Variants in TMOD1 observed in about 807,000 individuals in gnomAD.
TMOD1 encodes the protein tropomodulin-1.
Under a neutral mutation model 40.6 loss-of-function variants are expected in TMOD1, and 17 were observed. The ratio of observed to expected loss-of-function variants is 0.42; its 90% CI spans 0.29 to 0.63. TMOD1 has a LOEUF of 0.63. TMOD1 is among the 20% of genes least tolerant of loss of function. TMOD1 has a pLI of 0.22. For missense variants in TMOD1, 391 were observed against 447.6 expected, an observed-to-expected ratio of 0.87 and a Z score of 1.14; for synonymous variants, 181 against 175.0, an observed-to-expected ratio of 1.03 and a Z score of -0.27.
In TMOD1 at chr9:97,546,294, A is replaced by C; in HGVS notation, c.230A>C (p.Glu77Ala). The change falls in exon 3 of 10, where the codon GAG (glutamate) becomes GCG (alanine). Residue 77 changes from glutamate (E) to alanine (A), a missense_variant. Glu to Ala is a moderately radical substitution (Grantham distance 107, BLOSUM62 -1). Coordinates refer to ENST00000259365, the MANE Select transcript of TMOD1 (RefSeq NM_003275.4). ...LLDHLEKQAKEFKDREDLVPY... is the reference protein window; with the variant it reads ...LLDHLEKQAKAFKDREDLVPY... Reference sequence around the variant, plus strand: ...GATCACTTGGAAAAGCAAGCAAAGGAGTTTAAGGACCGAGAAGATCTGGTC... The same window carrying C: ...GATCACTTGGAAAAGCAAGCAAAGGCGTTTAAGGACCGAGAAGATCTGGTC... The C allele has an allele frequency of 6.2e-7, 1 of 1,614,122 alleles. No individual in the cohort carries two copies. Among genetic ancestry groups the C allele is most frequent in the Admixed American group, 1.7e-5 (1 of 60,012 alleles).
rs367594367 is a variant in TMOD1 at position 97,577,725 on chromosome 9, C to G, written c.870+8688C>G. Among the ~76,000 whole-genome samples, 46 of 152,208 alleles carry G rather than the reference C, an allele frequency of 3.0e-4. No individual in the cohort carries two copies. In the East Asian group the frequency reaches 4.1e-3, roughly 13 times the overall value. ...GGCAGAGGTTGCAGCAAGCCAAGAT[C>G]GTGCTATGCACTCCAGTCTGGGCGA... On this transcript the variant is annotated intron_variant, in intron 8 of 9. Transcript: ENST00000259365.
At chr9:97,598,475 T>C (rs1826164087) in intron 9 of TMOD1, among the ~76,000 whole-genome samples, 1 of 152,214 alleles carries the variant, frequency 6.6e-6, no homozygotes, top group Non-Finnish European at 1.5e-5. Flanking sequence ...GGGGCTCCGA[T>C]GAGGCAATGA....
At chr9:97,595,381 C>A (rs2131295677) in intron 9 of TMOD1, among the ~76,000 whole-genome samples, 1 of 152,284 alleles carries the variant, frequency 6.6e-6, no homozygotes, top group African/African-American at 2.4e-5. Context: ...CCATTCCCCA[C>A]CCACAGCTTC....
intron 2 of TMOD1, among the ~76,000 whole-genome samples, chr9:97,531,043 C>CCG (rs1554754353): frequency 2.9e-5 from 4 of 138,432 alleles, no homozygotes; most frequent in Admixed American, 7.2e-5. Flanking sequence ...ACCCACCCCC[C>CCG]CCACCACCCC....
At position 97,600,172 on chromosome 9, in the gene TMOD1, A is replaced by C; in HGVS notation, c.*474A>C. On this transcript the variant is annotated 3_prime_UTR_variant, in exon 10 of 10. Transcript: ENST00000259365. The stretch of plus-strand genomic sequence containing the variant: ...ATCATTCTTTATTAACCCTCCTTGG[A>C]ATTTTGAAAACCTCGATTAAAGTTG... The C allele has an allele frequency of 1.0e-6, 1 of 996,220 alleles. No individual in the cohort carries two copies. Among genetic ancestry groups the C allele is most frequent in the Non-Finnish European group, 1.2e-6 (1 of 835,248 alleles). The allele number at this position is 996,220 out of a possible 1,614,324, so 61.7% of individuals were successfully genotyped here.
chr9:97,510,480 G>A (rs374996444), intron 1 of TMOD1, among the ~76,000 whole-genome samples: 3 of 152,086 alleles, frequency 2.0e-5, no homozygotes, highest in Non-Finnish European at 2.9e-5. Context: ...ATCCACCCAC[G>A]TCAGCCTCCC....
At chr9:97,547,394 A>T (rs191135518) in intron 3 of TMOD1, among the ~76,000 whole-genome samples, 1 of 152,298 alleles carries the variant, frequency 6.6e-6, no homozygotes, top group African/African-American at 2.4e-5. Flanking sequence ...AGTCAGAAAC[A>T]GCCTGGAGCT....
intron 2 of TMOD1, among the ~76,000 whole-genome samples, chr9:97,538,204 C>G (rs1830214721): frequency 6.6e-6 from 1 of 152,124 alleles, no homozygotes. Context: ...CTAGAATTTC[C>G]TCCTCCTTAA....
At chr9:97,539,595 C>T (rs895675632) in intron 2 of TMOD1, among the ~76,000 whole-genome samples, 5 of 152,156 alleles carry the variant, frequency 3.3e-5, no homozygotes, top group Admixed American at 2.6e-4. Context: ...ATCATTCTCC[C>T]ATAGATGAAC....
At chr9:97,597,127 C>T (rs748149925) in intron 9 of TMOD1, among the ~76,000 whole-genome samples, 4 of 152,144 alleles carry the variant, frequency 2.6e-5, no homozygotes, top group Non-Finnish European at 5.9e-5. Context: ...GAGGTTGGTC[C>T]GGACGACTGG....
intron 5 of TMOD1, among the ~76,000 whole-genome samples, chr9:97,563,803 G>A (rs1432334656): frequency 6.6e-6 from 1 of 152,208 alleles, no homozygotes; most frequent in Non-Finnish European, 1.5e-5. Flanking sequence ...GAGAGTTTAA[G>A]TAATTCACCC....
At chr9:97,576,530 T>G (rs971884551) in intron 8 of TMOD1, among the ~76,000 whole-genome samples, 1 of 152,114 alleles carries the variant, frequency 6.6e-6, no homozygotes, top group East Asian at 1.9e-4. Context: ...TATGAATTCA[T>G]TTAAACAAGA....
intron 4 of TMOD1, 144 bp downstream of exon 4, chr9:97,553,544 A>C: frequency 8.2e-7 from 1 of 1,224,700 alleles, no homozygotes. Flanking sequence ...TCAAACAACA[A>C]TCCATTCTCA....
At chr9:97,535,717 G>A (rs1380877670) in intron 2 of TMOD1, among the ~76,000 whole-genome samples, 2 of 152,268 alleles carry the variant, frequency 1.3e-5, no homozygotes, top group East Asian at 3.8e-4. Flanking sequence ...ATACCAGAGA[G>A]AGACTGTGCT....
chr9:97,503,795 C>T (rs1829542902), intron 1 of TMOD1, among the ~76,000 whole-genome samples: 1 of 152,196 alleles, frequency 6.6e-6, no homozygotes, highest in South Asian at 2.1e-4. Context: ...CTGGCTCCAG[C>T]CCCAACTCTG....
At chr9:97,540,291 T>C (rs1276108071) in intron 2 of TMOD1, among the ~76,000 whole-genome samples, 1 of 152,246 alleles carries the variant, frequency 6.6e-6, no homozygotes, top group Non-Finnish European at 1.5e-5. Context: ...GGTTAGTTTC[T>C]GGTAAAGACT....
intron 2 of TMOD1, among the ~76,000 whole-genome samples, chr9:97,538,635 A>T (rs1025969058): frequency 2.0e-5 from 3 of 152,176 alleles, no homozygotes; most frequent in African/African-American, 4.8e-5. Flanking sequence ...CTATTCAGTA[A>T]AGTAGACCTT....
chr9:97,507,373 A>G (rs1829606297), intron 1 of TMOD1, among the ~76,000 whole-genome samples: 1 of 152,216 alleles, frequency 6.6e-6, no homozygotes, highest in Admixed American at 6.5e-5. Context: ...CATTGCACGC[A>G]TTTGCTTATT....
At position 97,501,692 on chromosome 9, in the gene TMOD1, C is replaced by A; in HGVS notation, c.-160C>A. Reference sequence around the variant, plus strand: ...AGCTCGTCCAGCCCCGCGCTGCGCTCGCCCGCCCGCTGCCCGCCGGAGCAC... The same window carrying A: ...AGCTCGTCCAGCCCCGCGCTGCGCTAGCCCGCCCGCTGCCCGCCGGAGCAC... On this transcript the variant is annotated 5_prime_UTR_variant, in exon 1 of 10. Transcript: ENST00000259365. The A allele has an allele frequency of 6.7e-6, 1 of 149,256 alleles. No individual in the cohort carries two copies. Among genetic ancestry groups the A allele is most frequent in the South Asian group, 1.8e-4 (1 of 5,612 alleles). The allele number at this position is 149,256 out of a possible 1,614,324, so 9.2% of individuals were successfully genotyped here. A position where few individuals can be genotyped will look rare whatever the true frequency, so the allele number is the denominator to read the frequency against.
Sources: gnomAD v4.1 joint callset for allele counts (sites outside exome capture counted in the v4.1 genomes callset) on GRCh38, gnomAD v4.1.1 for gene constraint, MANE v1.5 for transcripts, NCBI Gene and HGNC (gene_info 2026-07-23, HGNC 2026-07-21) for gene names.